The following THADA variants were observed in gnomAD, a reference collection of about 807,000 sequenced individuals.
THADA encodes tRNA (32-2'-O)-methyltransferase regulator THADA.
THADA carries 213 observed loss-of-function variants against 219.8 expected under a neutral mutation model. The observed-to-expected ratio is 0.97, with a 90% CI of 0.87 to 1.09. The LOEUF (loss-of-function observed/expected upper bound fraction) is 1.09, where lower values mean the gene tolerates loss of function less well. THADA is among the 50% of genes least tolerant of loss of function. The probability of loss-of-function intolerance (pLI) is 0.00; values close to 1 mark genes in which losing one functional copy is unlikely to be tolerated. For missense variants in THADA, 2,956 were observed against 2,311.3 expected, an observed-to-expected ratio of 1.28 and a Z score of -5.72; for synonymous variants, 1,018 against 828.9, an observed-to-expected ratio of 1.23 and a Z score of -3.92.
At position 43,472,335 on chromosome 2, in the gene THADA, T is replaced by C. The variant is rs374758987; in HGVS notation, c.3836+12899A>G. Among the ~76,000 whole-genome samples, 11 of 152,366 alleles carry C rather than the reference T, an allele frequency of 7.2e-5. No individual in the cohort carries two copies. The East Asian group carries it at 1.3e-3, about 19-fold the overall frequency. On this transcript the variant is annotated intron_variant, in intron 26 of 37. Transcript: ENST00000405975. Reference sequence around the variant, plus strand: ...CGTTTTTCCAAAGACATAAATGCTATAAATGGTGGCACTGCAGACAGCCCA... The same window carrying C: ...CGTTTTTCCAAAGACATAAATGCTACAAATGGTGGCACTGCAGACAGCCCA...
At position 43,383,327 on chromosome 2, in the gene THADA, T is replaced by C. The variant is rs907593189; in HGVS notation, c.4227+14644A>G. 5.9e-5 allele frequency among the ~76,000 whole-genome samples: 9 copies of C among 152,318 alleles called. No individual in the cohort carries two copies. The East Asian group carries it at 1.5e-3, about 26-fold the overall frequency. ...CATAAGTAAGGCACAATCCCTGCCG[T>C]CCATGAGTTCACCATCTTCTTGGTA... is the stretch of plus-strand genomic sequence containing the variant. On this transcript the variant is annotated intron_variant, in intron 29 of 37. Transcript: ENST00000405975.
chr2:43,402,129 G>A (rs1474276208), intron 28 of THADA, among the ~76,000 whole-genome samples: 1 of 152,150 alleles, frequency 6.6e-6, no homozygotes, highest in Non-Finnish European at 1.5e-5. Context: ...AGAACCTCCT[G>A]CTGCTCCTTT....
chr2:43,514,726 TATA>T lies in THADA; in HGVS notation c.3375-5949_3375-5947del, dbSNP rs556941437. Among the ~76,000 whole-genome samples, 193 of 73,416 alleles carry T rather than the reference TATA, an allele frequency of 2.6e-3. 20 individuals carry two copies. The highest frequency in any genetic ancestry group is 7.6e-3 in the South Asian group (19 of 2,488). 48.2% of individuals were successfully genotyped at this position (73,416 alleles called of 152,430 possible). On this transcript the variant is annotated intron_variant, in intron 22 of 37. Transcript: ENST00000405975. The stretch of plus-strand genomic sequence containing the variant: ...AATATATATATAAATATATATTATA[TATA>T]ATATGTATAATATATAATATTTTAT...
intron 29 of THADA, among the ~76,000 whole-genome samples, chr2:43,354,099 G>A (rs1668600321): frequency 6.6e-6 from 1 of 152,012 alleles, no homozygotes; most frequent in South Asian, 2.1e-4. Flanking sequence ...TTACAGGCGG[G>A]AGTGAGCCAC....
rs143858358 is a variant in THADA at position 43,503,123 on chromosome 2, T to A, written c.3621+2499A>T. Among the ~76,000 whole-genome samples, 439 of 152,296 alleles carry A rather than the reference T, an allele frequency of 2.9e-3. 3 individuals carry two copies. Among genetic ancestry groups the A allele is most frequent in the African/African-American group, 0.01 (423 of 41,560 alleles). ...AACTCTTATACTCTGCTGGCAGGAA[T>A]ATAAATTAGTTCAACCACTTTGGAG... On this transcript the variant is annotated intron_variant, in intron 24 of 37. Transcript: ENST00000405975.
chr2:43,378,747 A>C (rs992193430), intron 29 of THADA, among the ~76,000 whole-genome samples: 1 of 152,180 alleles, frequency 6.6e-6, no homozygotes, highest in African/African-American at 2.4e-5. Context: ...CTGGGATTAC[A>C]GGCACCCAAC....
chr2:43,551,744 A>G (rs1206870817), intron 19 of THADA, 45 bp downstream of exon 19: 4 of 1,558,660 alleles, frequency 2.6e-6, no homozygotes, highest in Non-Finnish European at 3.5e-6. Flanking sequence ...TAAAGACATA[A>G]TAATCAAACC....
intron 31 of THADA, among the ~76,000 whole-genome samples, chr2:43,304,358 T>TC (rs1572991149): frequency 6.6e-6 from 1 of 152,118 alleles, no homozygotes; most frequent in East Asian, 1.9e-4. Context: ...AGAAGGATCC[T>TC]CCTCAGGACT....
intron 22 of THADA, among the ~76,000 whole-genome samples, chr2:43,515,482 G>T (rs1691612346): frequency 7.2e-6 from 1 of 138,048 alleles, no homozygotes; most frequent in African/African-American, 2.7e-5. Context: ...AGTTTTCTGG[G>T]AAATTTACCC....
intron 29 of THADA, among the ~76,000 whole-genome samples, chr2:43,376,941 G>C (rs77764119): frequency 0.06 from 9,144 of 152,150 alleles, 372 homozygotes; most frequent in South Asian, 0.18. Context: ...AGTAAGGCAC[G>C]GTCCTCAGCC....
intron 29 of THADA, among the ~76,000 whole-genome samples, chr2:43,372,813 G>A (rs894262459): frequency 2.0e-5 from 3 of 152,148 alleles, no homozygotes; most frequent in Non-Finnish European, 4.4e-5. Context: ...GCAGTGGCGC[G>A]GTCTCAATCT....
chr2:43,370,452 A>G (rs1670667684), intron 29 of THADA, among the ~76,000 whole-genome samples: 3 of 152,204 alleles, frequency 2.0e-5, no homozygotes, highest in South Asian at 4.1e-4. Context: ...CGTTCTCACA[A>G]ACAAACAGAA....
intron 32 of THADA, among the ~76,000 whole-genome samples, chr2:43,292,549 T>A (rs1180917806): frequency 6.6e-6 from 1 of 152,230 alleles, no homozygotes; most frequent in Non-Finnish European, 1.5e-5. Context: ...TACAGTGAAT[T>A]TTTAATGATC....
At chr2:43,372,019 G>T (rs950807689) in intron 29 of THADA, 17 of 152,122 alleles carry the variant, frequency 1.1e-4, no homozygotes, top group African/African-American at 4.1e-4. Flanking sequence ...TTGAGTTTTT[G>T]TCATCATTCA....
chr2:43,240,280 C>G (rs906736252), intron 36 of THADA, among the ~76,000 whole-genome samples: 1 of 152,162 alleles, frequency 6.6e-6, no homozygotes, highest in Non-Finnish European at 1.5e-5. Flanking sequence ...GCAAAGGCAG[C>G]GTCTGACGGA....
chr2:43,413,814 T>C (rs1304781361), intron 28 of THADA, among the ~76,000 whole-genome samples: 1 of 152,204 alleles, frequency 6.6e-6, no homozygotes, highest in South Asian at 2.1e-4. Context: ...AATGGATACA[T>C]AATGCTTTAT....
intron 22 of THADA, among the ~76,000 whole-genome samples, chr2:43,509,393 T>C (rs1001106335): frequency 6.6e-6 from 1 of 152,212 alleles, no homozygotes; most frequent in African/African-American, 2.4e-5. Context: ...GTACATTTAA[T>C]TTTTATAAAA....
chr2:43,422,328 A>G (rs1677813938), intron 28 of THADA, among the ~76,000 whole-genome samples: 1 of 152,200 alleles, frequency 6.6e-6, no homozygotes, highest in African/African-American at 2.4e-5. Flanking sequence ...GTTGCCACTA[A>G]GTCTTCTCCA....
intron 20 of THADA, among the ~76,000 whole-genome samples, chr2:43,545,047 C>A (rs919126690): frequency 2.0e-5 from 3 of 152,158 alleles, no homozygotes; most frequent in African/African-American, 4.8e-5. Context: ...TGAGATACGT[C>A]CCATCAATAT....
Sources: gnomAD v4.1 joint callset for allele counts (sites outside exome capture counted in the v4.1 genomes callset) on GRCh38, gnomAD v4.1.1 for gene constraint, MANE v1.5 for transcripts, NCBI Gene and HGNC (gene_info 2026-07-23, HGNC 2026-07-21) for gene names.